COL17A1: variants seen among roughly 807,000 people sequenced by gnomAD.
The protein encoded by COL17A1 is collagen type XVII alpha 1 chain.
Under a neutral mutation model 218.4 loss-of-function variants are expected in COL17A1, and 181 were observed. The ratio of observed to expected loss-of-function variants is 0.83; its 90% CI spans 0.73 to 0.94. The LOEUF (loss-of-function observed/expected upper bound fraction) is 0.94. Among genes scored for constraint, COL17A1 ranks in the 40% least tolerant of loss-of-function variants. COL17A1 has a pLI of 0.00. For synonymous variants in COL17A1, 721 were observed against 731.0 expected, an observed-to-expected ratio of 0.99 and a Z score of 0.22; for missense variants, 1,924 against 1,945.9, an observed-to-expected ratio of 0.99 and a Z score of 0.21.
intron 5 of COL17A1, among the ~76,000 whole-genome samples, chr10:104,075,923 A>G (rs1337831484): frequency 6.6e-6 from 1 of 152,258 alleles, no homozygotes; most frequent in Non-Finnish European, 1.5e-5. Context: ...GCTTAAAGTG[A>G]TAATCTCCAT....
chr10:104,033,236 A>G lies in COL17A1; in HGVS notation c.4294+2T>C. The stretch of plus-strand genomic sequence containing the variant: ...GCTGGGAAAGCAGTTGGATGCCCTT[A>G]CTTTGGAAGAAGTCCATGAGGTCCG... On this transcript the variant is annotated splice_donor_variant, in intron 53 of 55. Transcript: ENST00000648076. LOFTEE classifies it high-confidence loss of function. The G allele has an allele frequency of 6.3e-7, 1 of 1,582,670 alleles. No homozygotes were observed. Among genetic ancestry groups the G allele is most frequent in the Non-Finnish European group, 8.6e-7 (1 of 1,164,172 alleles).
intron 50 of COL17A1, 23 bp downstream of exon 50, chr10:104,035,240 C>A: frequency 6.3e-7 from 1 of 1,597,488 alleles, no homozygotes; most frequent in South Asian, 1.1e-5. Context: ...CTGCCCTCCC[C>A]ATCCCACTCC....
chr10:104,078,160 A>G (rs897109939), intron 3 of COL17A1, among the ~76,000 whole-genome samples: 7 of 152,286 alleles, frequency 4.6e-5, no homozygotes, highest in African/African-American at 1.4e-4. Context: ...GTAGCCCCCA[A>G]TCCTTGTTCA....
rs772119880 is a variant in COL17A1 at position 104,032,765 on chromosome 10, A to G, written c.4358-11T>C. On this transcript the variant is annotated splice_polypyrimidine_tract_variant and intron_variant, in intron 54 of 55. Coordinates refer to ENST00000648076, the MANE Select transcript of COL17A1 (RefSeq NM_000494.4). ...CAGGGCCCCTGTCACCTGGAAGGAA[A>G]AATGGGGCGTAACTAAGTAATACAT... 1 of 1,614,118 alleles carries G rather than the reference A, an allele frequency of 6.2e-7. No individual in the cohort carries two copies. The highest frequency in any genetic ancestry group is 2.2e-5 in the East Asian group (1 of 44,872).
At chr10:104,070,330 C>T (rs894040576) in intron 9 of COL17A1, 96 bp downstream of exon 9, 10 of 1,575,482 alleles carry the variant, frequency 6.3e-6, no homozygotes, top group Middle Eastern at 4.5e-4. Flanking sequence ...TCAAGTCTCA[C>T]TTTCACTGTT....
At chr10:104,060,894 A>G (rs115495905) in intron 13 of COL17A1, among the ~76,000 whole-genome samples, 297 of 152,348 alleles carry the variant, frequency 1.9e-3, no homozygotes, top group African/African-American at 7.0e-3. Context: ...AACACTGTCC[A>G]TCTAATACAA....
intron 27 of COL17A1, among the ~76,000 whole-genome samples, 166 bp downstream of exon 27, chr10:104,050,455 T>C: frequency 6.6e-6 from 1 of 152,124 alleles, no homozygotes; most frequent in East Asian, 1.9e-4. Flanking sequence ...ATGTTAGTGC[T>C]TTGTTTCCCT....
intron 9 of COL17A1, among the ~76,000 whole-genome samples, chr10:104,068,753 T>G (rs2086646974): frequency 6.6e-6 from 1 of 152,232 alleles, no homozygotes; most frequent in South Asian, 2.1e-4. Context: ...GGAACAGGCT[T>G]GCAGATAAAG....
At chr10:104,077,264 T>C (rs2086718740) in intron 4 of COL17A1, among the ~76,000 whole-genome samples, 158 bp downstream of exon 4, 1 of 152,198 alleles carries the variant, frequency 6.6e-6, no homozygotes, top group African/African-American at 2.4e-5. Flanking sequence ...TTTAGATAAC[T>C]CTCAGGGGGA....
chr10:104,061,683 A>G (rs954446838), intron 12 of COL17A1, among the ~76,000 whole-genome samples: 11 of 152,150 alleles, frequency 7.2e-5, no homozygotes, highest in African/African-American at 2.2e-4. Flanking sequence ...ACTTCCAGGA[A>G]GTCCTCCTAG....
rs139674422 is a variant in COL17A1 at position 104,031,888 on chromosome 10, C to G, written c.*347G>C. 5.2e-6 allele frequency: 2 copies of G among 382,124 alleles called. No homozygotes were observed. Among genetic ancestry groups the G allele is most frequent in the Non-Finnish European group, 9.8e-6 (2 of 204,010 alleles). 23.7% of individuals were successfully genotyped at this position (382,124 alleles called of 1,614,324 possible). On this transcript the variant is annotated 3_prime_UTR_variant, in exon 56 of 56. Transcript: ENST00000648076. ...TCTGGGCTCATATTTAGGTAAAGCT[C>G]TAAGACTCCTGAGCCAACTTTTATG...
chr10:104,062,411 C>T (rs1214329026), intron 11 of COL17A1, 82 bp from the exon 12 acceptor site: 1 of 1,578,940 alleles, frequency 6.3e-7, no homozygotes, highest in African/African-American at 1.3e-5. Context: ...GAGTCCCAAA[C>T]CACTTTCATG....
rs531094347 is a variant in COL17A1 at position 104,037,636 on chromosome 10, T to C, written c.3208A>G (p.Thr1070Ala). 9 of 1,614,130 alleles carry C rather than the reference T, an allele frequency of 5.6e-6. No individual in the cohort carries two copies. The African/African-American group carries it at 1.2e-4, about 22-fold the overall frequency. ...LASHVVSYLR[T>A]SGYGVSLFSS... Reference sequence around the variant, plus strand: ...GTGCAGGGCGTGGGGAAGGGCTTACTCCGTAAGTAGCTCACAACGTGGCTT... The same window carrying C: ...GTGCAGGGCGTGGGGAAGGGCTTACCCCGTAAGTAGCTCACAACGTGGCTT... The change falls in exon 46 of 56, where the codon ACT (threonine) becomes GCT (alanine). Residue 1070 changes from threonine (T) to alanine (A), a missense_variant and splice_region_variant. Coordinates refer to ENST00000648076, the MANE Select transcript of COL17A1 (RefSeq NM_000494.4).
intron 24 of COL17A1, 35 bp downstream of exon 24, chr10:104,052,120 G>A: frequency 6.2e-7 from 1 of 1,613,948 alleles, no homozygotes; most frequent in Non-Finnish European, 8.5e-7. Context: ...TTCTCCTCTG[G>A]AAAACTTTGA....
intron 27 of COL17A1, 74 bp from the exon 28 acceptor site, chr10:104,050,198 T>G (rs2086454953): frequency 6.2e-7 from 1 of 1,602,808 alleles, no homozygotes; most frequent in African/African-American, 1.3e-5. Flanking sequence ...AGTAACAGGG[T>G]CCCCGGCTGC....
rs537446910 is a variant in COL17A1, at chr10:104,046,677, A to G, written c.2362+70T>C. 2.7e-6 allele frequency: 4 copies of G among 1,504,206 alleles called. No individual in the cohort carries two copies. The African/African-American group carries it at 5.5e-5, about 21-fold the overall frequency. 93.2% of individuals were successfully genotyped at this position (1,504,206 alleles called of 1,614,324 possible). On this transcript the variant is annotated intron_variant, in intron 32 of 55. Coordinates refer to ENST00000648076, the MANE Select transcript of COL17A1 (RefSeq NM_000494.4). Reference sequence around the variant, plus strand: ...GAGGAAACTCTGGTGACTGCAGGAAAAGCCCTGGCCCAAGCAGTTACCCCA... The same window carrying G: ...GAGGAAACTCTGGTGACTGCAGGAAGAGCCCTGGCCCAAGCAGTTACCCCA...
chr10:104,070,528 G>T lies in COL17A1; in HGVS notation c.505C>A (p.Arg169=), dbSNP rs1564684815. ...CGGGTGGGGCTCACACTTGCCGATC[G>T]ACTCCCCTTGAGCAAACGCTTAACA... ...DDVKRLLKGS[R]SASVSPTRNS... The change falls in exon 9 of 56, where the codon CGA becomes AGA. Residue 169 remains arginine, a synonymous_variant. Coordinates refer to ENST00000648076, the MANE Select transcript of COL17A1 (RefSeq NM_000494.4). 6.2e-7 allele frequency: 1 copy of T among 1,614,118 alleles called. No homozygotes were observed. Among genetic ancestry groups the T allele is most frequent in the Non-Finnish European group, 8.5e-7 (1 of 1,180,026 alleles).
chr10:104,033,485 C>G, intron 52 of COL17A1, 110 bp from the exon 53 acceptor site: 2 of 1,291,914 alleles, frequency 1.5e-6, no homozygotes, highest in Non-Finnish European at 2.2e-6. Flanking sequence ...TGAACTAGAT[C>G]AAGCCGCAGC....
chr10:104,078,477 G>A (rs1458162002), intron 3 of COL17A1, 65 bp downstream of exon 3: 12 of 1,610,300 alleles, frequency 7.5e-6, no homozygotes, highest in Non-Finnish European at 1.0e-5. Context: ...CATGGAAAAG[G>A]TTACAGGTGT....
Sources: allele counts gnomAD v4.1 joint callset (sites outside exome capture counted in the v4.1 genomes callset), GRCh38; gene constraint gnomAD v4.1.1; transcripts MANE v1.5; gene names NCBI Gene and HGNC (gene_info 2026-07-23, HGNC 2026-07-21).